Variants in DAB1 observed in about 807,000 individuals in gnomAD.
DAB1 encodes disabled homolog 1.
Under a neutral mutation model 64.6 loss-of-function variants are expected in DAB1, and 15 were observed. The observed-to-expected ratio is 0.23, with a 90% CI of 0.16 to 0.36. The LOEUF is 0.36. DAB1 is among the 10% of genes least tolerant of loss of function. The pLI is 1.00. For missense variants in DAB1, 596 were observed against 706.7 expected (o/e 0.84, Z 1.78); for synonymous variants, 235 against 251.9 (o/e 0.93, Z 0.64).
intron 5 of DAB1, among the ~76,000 whole-genome samples, chr1:57,999,378 C>T (rs538882448): frequency 6.6e-5 from 10 of 152,142 alleles, no homozygotes; most frequent in African/African-American, 1.4e-4. Flanking sequence ...CATTCCAAAT[C>T]GATTGCCTCA....
intron 4 of DAB1, among the ~76,000 whole-genome samples, chr1:58,165,609 C>T (rs972722936): frequency 3.3e-5 from 5 of 152,332 alleles, no homozygotes; most frequent in African/African-American, 1.2e-4. Flanking sequence ...CTCCAAGTGA[C>T]ACTCTCATAT....
chr1:57,343,849 G>T (rs1160236228), intron 1 of DAB1, among the ~76,000 whole-genome samples: 1 of 152,248 alleles, frequency 6.6e-6, no homozygotes, highest in African/African-American at 2.4e-5. Flanking sequence ...CCAGAAAGCG[G>T]CTCCCACAGT....
chr1:58,380,640 A>G (rs1490740538), intron 3 of DAB1, among the ~76,000 whole-genome samples: 1 of 152,238 alleles, frequency 6.6e-6, no homozygotes, highest in East Asian at 1.9e-4. Flanking sequence ...CTTAGAAGAT[A>G]GGATTGGAGC....
At chr1:57,997,730 A>G (rs1306474006) in intron 5 of DAB1, among the ~76,000 whole-genome samples, 4 of 152,136 alleles carry the variant, frequency 2.6e-5, no homozygotes, top group Non-Finnish European at 4.4e-5. Context: ...ATGCAGTAGA[A>G]GAATCTGAGA....
chr1:57,057,844 C>G (rs7529975), intron 9 of DAB1, among the ~76,000 whole-genome samples: 7,836 of 151,950 alleles, frequency 0.052, 594 homozygotes, highest in African/African-American at 0.17. Flanking sequence ...TCCTGACCTC[C>G]TGATCCGCCC....
intron 2 of DAB1, among the ~76,000 whole-genome samples, chr1:57,266,762 C>A (rs532896659): frequency 6.6e-6 from 1 of 152,244 alleles, no homozygotes; most frequent in East Asian, 1.9e-4. Flanking sequence ...AAATGATGAG[C>A]AATATGTATA....
At chr1:57,511,035 T>C (rs555761407) in intron 7 of DAB1, among the ~76,000 whole-genome samples, 13 of 152,316 alleles carry the variant, frequency 8.5e-5, no homozygotes, top group Non-Finnish European at 1.8e-4. Flanking sequence ...CCTCCATTGC[T>C]CAGCAGACAT....
In DAB1 at chr1:57,239,235, C is replaced by T. The variant is rs561770797; in HGVS notation, c.67+51729G>A. On this transcript the variant is annotated intron_variant, in intron 2 of 14. Coordinates refer to ENST00000371236, the MANE Select transcript of DAB1 (RefSeq NM_001365792.1). ...AGTCATCTCTCCAGAAATGCCTGTC[C>T]TGTCTCGTCCATCTAAAAGAATCCA... 4.6e-5 allele frequency among the ~76,000 whole-genome samples: 7 copies of T among 152,284 alleles called. 1 individual carries two copies. The highest frequency in any genetic ancestry group is 1.4e-4 in the African/African-American group (6 of 41,550).
intron 5 of DAB1, among the ~76,000 whole-genome samples, chr1:57,890,674 C>T (rs1644298508): frequency 6.6e-6 from 1 of 152,048 alleles, no homozygotes; most frequent in Non-Finnish European, 1.5e-5. Context: ...AGGCCAGTCC[C>T]AAACTCCTGG....
intron 2 of DAB1, among the ~76,000 whole-genome samples, chr1:57,231,186 A>G (rs779285468): frequency 1.5e-4 from 23 of 152,222 alleles, no homozygotes; most frequent in Non-Finnish European, 3.1e-4. Flanking sequence ...TATACAAAAT[A>G]TTAGAGAACA....
chr1:57,853,594 G>T lies in DAB1; in HGVS notation n.88-27139C>A, dbSNP rs565590661. Among the ~76,000 whole-genome samples the T allele has an allele frequency of 1.1e-3, 171 of 152,148 alleles. 1 individual carries two copies. Among genetic ancestry groups the T allele is most frequent in the Admixed American group, 1.7e-3 (26 of 15,270 alleles). ...TGTGTTTAAAATTAATAAAATGAAC[G>T]AATAAATGAATTAATGAATAAGTGA... On this transcript the variant is annotated intron_variant and non_coding_transcript_variant, in intron 1 of 1. Transcript: ENST00000477280.
chr1:57,380,308 G>A lies in DAB1; in HGVS notation c.-137+43622C>T, dbSNP rs867891420. 3.9e-5 allele frequency among the ~76,000 whole-genome samples: 6 copies of A among 152,154 alleles called. No homozygotes were observed. The East Asian group carries it at 5.8e-4, about 15-fold the overall frequency. ...CATAAAACTGATATGGTGTTGTTAC[G>A]TAAATAAAGCGTAGCCTAGAACAGG... On this transcript the variant is annotated intron_variant, in intron 1 of 14. Transcript: ENST00000371236.
chr1:58,138,492 A>T (rs763603961), intron 5 of DAB1, among the ~76,000 whole-genome samples: 1 of 152,180 alleles, frequency 6.6e-6, no homozygotes, highest in Non-Finnish European at 1.5e-5. Context: ...CTTGAGAAAA[A>T]GCACACAAAC....
intron 3 of DAB1, among the ~76,000 whole-genome samples, chr1:57,143,704 T>G (rs192269763): frequency 6.6e-6 from 1 of 152,216 alleles, no homozygotes; most frequent in Admixed American, 6.5e-5. Flanking sequence ...AAATTTTGTA[T>G]AGCATAAACA....
At chr1:57,010,952 T>A (rs1460277035) in intron 13 of DAB1, among the ~76,000 whole-genome samples, 162 bp from the exon 14 acceptor site, 3 of 152,174 alleles carry the variant, frequency 2.0e-5, no homozygotes, top group African/African-American at 7.2e-5. Flanking sequence ...GTAGTAACAA[T>A]TTAATAAAAA....
chr1:57,465,865 C>T (rs556873001), intron 7 of DAB1, among the ~76,000 whole-genome samples: 11 of 152,150 alleles, frequency 7.2e-5, no homozygotes, highest in Non-Finnish European at 1.6e-4. Context: ...TTGAAACAAG[C>T]ACACATCATA....
At chr1:57,491,833 C>A (rs1644169583) in intron 7 of DAB1, among the ~76,000 whole-genome samples, 2 of 152,086 alleles carry the variant, frequency 1.3e-5, no homozygotes, top group Non-Finnish European at 2.9e-5. Context: ...CTCTTTGCAG[C>A]CCAGTTTGAT....
intron 4 of DAB1, among the ~76,000 whole-genome samples, chr1:58,182,426 T>C (rs1291999088): frequency 1.3e-5 from 2 of 151,928 alleles, no homozygotes; most frequent in Admixed American, 1.3e-4. Flanking sequence ...ATGAAACATA[T>C]GTTGCTGTGC....
chr1:57,283,836 C>T (rs1672103234), intron 2 of DAB1, among the ~76,000 whole-genome samples: 1 of 152,166 alleles, frequency 6.6e-6, no homozygotes. Flanking sequence ...TCTGCCATTG[C>T]CCAGGGGAGT....
Sources: allele counts gnomAD v4.1 joint callset (sites outside exome capture counted in the v4.1 genomes callset), GRCh38; gene constraint gnomAD v4.1.1; transcripts MANE v1.5; gene names NCBI Gene and HGNC (gene_info 2026-07-23, HGNC 2026-07-21).